Variants in ADCY7 observed in about 807,000 individuals in gnomAD.
The protein encoded by ADCY7 is adenylate cyclase 7.
In ADCY7, 72 loss-of-function variants were observed where a neutral mutation model predicts 120.6. The observed-to-expected ratio is 0.60, with a 90% CI of 0.49 to 0.73. ADCY7 has a LOEUF of 0.73. Among genes scored for constraint, ADCY7 ranks in the 30% least tolerant of loss-of-function variants. ADCY7 has a pLI of 0.00. For synonymous variants in ADCY7, 661 were observed against 628.0 expected (o/e 1.05, Z -0.78); for missense variants, 1,227 against 1,486.0 (o/e 0.83, Z 2.87).
intron 17 of ADCY7, chr16:50,308,995 G>C: frequency 1.8e-6 from 1 of 547,692 alleles, no homozygotes; most frequent in Non-Finnish European, 3.0e-6. Context: ...CAGAGAGCTT[G>C]TGTGGCCAGC....
At chr16:50,309,401 G>A (rs1028835285) in intron 17 of ADCY7, 147 bp from the exon 18 acceptor site, 3 of 627,832 alleles carry the variant, frequency 4.8e-6, no homozygotes, top group Non-Finnish European at 5.5e-6. Flanking sequence ...GAGTCGGCAC[G>A]GCGGCTTGAG....
chr16:50,282,713 CT>C (rs761341913), intron 1 of ADCY7, among the ~76,000 whole-genome samples: 249 of 117,910 alleles, frequency 2.1e-3, no homozygotes, highest in East Asian at 0.01. Context: ...TAAATCCCAG[CT>C]TTTTTTTTTT....
At chr16:50,306,346 C>G (rs1471459877) in intron 14 of ADCY7, among the ~76,000 whole-genome samples, 1 of 152,210 alleles carries the variant, frequency 6.6e-6, no homozygotes, top group Non-Finnish European at 1.5e-5. Flanking sequence ...TGCTGCTATA[C>G]CACTTCACAG....
intron 8 of ADCY7, among the ~76,000 whole-genome samples, chr16:50,300,495 C>A (rs556224663): frequency 6.6e-6 from 1 of 152,348 alleles, no homozygotes; most frequent in East Asian, 1.9e-4. Context: ...CCTACCTAGT[C>A]CTTGAGGTCA....
At chr16:50,263,864 A>G (rs911016607), upstream of ADCY7, among the ~76,000 whole-genome samples, 1 of 152,000 alleles carries the variant, frequency 6.6e-6, no homozygotes, top group African/African-American at 2.4e-5. Context: ...CATGTGTCTC[A>G]TCAGCCTCTC....
At chr16:50,262,529 G>A (rs889292379), upstream of ADCY7, among the ~76,000 whole-genome samples, 6 of 152,090 alleles carry the variant, frequency 3.9e-5, no homozygotes, top group Admixed American at 1.3e-4. Context: ...GTTTCACCAT[G>A]TTGGCCAGGC....
At chr16:50,278,858 ATCTC>A (rs58339821) in intron 1 of ADCY7, among the ~76,000 whole-genome samples, 66,859 of 132,240 alleles carry the variant, frequency 0.51, 17,577 homozygotes, top group Non-Finnish European at 0.61. Context: ...CGTGAAATGG[ATCTC>A]TCTCTCTCTC....
intron 1 of ADCY7, among the ~76,000 whole-genome samples, chr16:50,279,012 T>C (rs1422346296): frequency 6.6e-6 from 1 of 152,020 alleles, no homozygotes; most frequent in Non-Finnish European, 1.5e-5. Flanking sequence ...GCTGGGACTA[T>C]AGGCACGCAC....
At chr16:50,291,957 G>C in intron 4 of ADCY7, 60 bp downstream of exon 4, 5 of 1,527,116 alleles carry the variant, frequency 3.3e-6, no homozygotes, top group Non-Finnish European at 4.4e-6. Flanking sequence ...AGGGCAGATG[G>C]GGGGGCCCCC....
At chr16:50,310,588 G>A in intron 18 of ADCY7, 99 bp from the exon 19 acceptor site, 1 of 1,590,744 alleles carries the variant, frequency 6.3e-7, no homozygotes, top group Non-Finnish European at 8.6e-7. Flanking sequence ...AGAGCGTGAT[G>A]CTGAGGTGCA....
At chr16:50,295,441 C>T (rs1291558615) in intron 7 of ADCY7, among the ~76,000 whole-genome samples, 1 of 145,586 alleles carries the variant, frequency 6.9e-6, no homozygotes, top group African/African-American at 2.5e-5. Flanking sequence ...GTGATCATCC[C>T]CTCTTGGCCT....
At chr16:50,287,422 T>C (rs955479690) in intron 1 of ADCY7, among the ~76,000 whole-genome samples, 3 of 150,466 alleles carry the variant, frequency 2.0e-5, no homozygotes, top group Admixed American at 2.0e-4. Flanking sequence ...GCATGGTGGC[T>C]CATGCCTGTT....
At chr16:50,271,235 G>A (rs530246297) in intron 1 of ADCY7, among the ~76,000 whole-genome samples, 6 of 152,080 alleles carry the variant, frequency 3.9e-5, no homozygotes, top group South Asian at 2.1e-4. Flanking sequence ...CTTTCCTGCC[G>A]CCACCAGCTC....
At chr16:50,264,862 A>C (rs1253298660), upstream of ADCY7, among the ~76,000 whole-genome samples, 1 of 131,014 alleles carries the variant, frequency 7.6e-6, no homozygotes, top group Non-Finnish European at 1.6e-5. Flanking sequence ...TCTGAGACAG[A>C]GTCTCACTCT....
intron 10 of ADCY7, among the ~76,000 whole-genome samples, chr16:50,302,165 A>G (rs1596954840): frequency 8.3e-6 from 1 of 120,698 alleles, no homozygotes; most frequent in African/African-American, 3.3e-5. Flanking sequence ...CTGCCCTTCC[A>G]CTACCAGGGT....
intron 1 of ADCY7, among the ~76,000 whole-genome samples, chr16:50,248,260 C>A (rs978591003): frequency 6.6e-6 from 1 of 152,204 alleles, no homozygotes. Flanking sequence ...TACCCCATAC[C>A]CAGAAGAGCC....
chr16:50,287,567 C>G (rs1376544953), intron 1 of ADCY7, among the ~76,000 whole-genome samples: 1 of 151,240 alleles, frequency 6.6e-6, no homozygotes. Context: ...GTAGTCCCAG[C>G]TACGTAGGAG....
At chr16:50,313,222 GC>G (rs1471202482) in intron 22 of ADCY7, 186 bp downstream of exon 22, 1 of 667,506 alleles carries the variant, frequency 1.5e-6, no homozygotes, top group Admixed American at 3.3e-5. Flanking sequence ...TTCGAGACCA[GC>G]CTGGCCAACA....
rs143867874 is a variant in ADCY7, at chr16:50,283,005, CG to C, written c.-268-4903del. 4.0e-3 allele frequency among the ~76,000 whole-genome samples: 605 copies of C among 152,238 alleles called. 6 individuals carry two copies. The highest frequency in any genetic ancestry group is 0.014 in the African/African-American group (576 of 41,522). On this transcript the variant is annotated intron_variant, in intron 1 of 25. Transcript: ENST00000673801. The stretch of plus-strand genomic sequence containing the variant: ...CTGGAAAGTGTGATGGAGGGATGAG[CG>C]GGGCTGTCCCCTCCAAGACCCAGCT...
Sources: gnomAD v4.1 joint callset for allele counts (sites outside exome capture counted in the v4.1 genomes callset) on GRCh38, gnomAD v4.1.1 for gene constraint, MANE v1.5 for transcripts, NCBI Gene and HGNC (gene_info 2026-07-23, HGNC 2026-07-21) for gene names.